The following PSPC1 variants were observed in gnomAD, a reference collection of about 807,000 sequenced individuals.
The protein encoded by PSPC1 is paraspeckle protein 1.
A neutral mutation model predicts 51.6 loss-of-function variants in PSPC1; 14 were observed. The observed-to-expected ratio is 0.27, with a 90% CI of 0.18 to 0.42. The LOEUF (loss-of-function observed/expected upper bound fraction) is 0.42. PSPC1 is among the 10% of genes least tolerant of loss of function. The pLI is 1.00. For missense variants in PSPC1, 406 were observed against 701.1 expected (o/e 0.58, Z 4.75); for synonymous variants, 193 against 231.9 (o/e 0.83, Z 1.53).
chr13:19,672,828 G>A (rs1274550328), downstream of PSPC1: 3 of 301,140 alleles, frequency 1.0e-5, no homozygotes, highest in East Asian at 2.3e-4. Context: ...AGCAGAGCGT[G>A]GTGGCTCACA....
At chr13:19,743,021 C>T (rs1885591745) in intron 4 of PSPC1, among the ~76,000 whole-genome samples, 1 of 152,094 alleles carries the variant, frequency 6.6e-6, no homozygotes, top group Non-Finnish European at 1.5e-5. Context: ...CCACTATCAC[C>T]AATCCCTGCC....
At chr13:19,724,076 A>G (rs1464722168) in intron 6 of PSPC1, among the ~76,000 whole-genome samples, 1 of 152,218 alleles carries the variant, frequency 6.6e-6, no homozygotes, top group Non-Finnish European at 1.5e-5. Flanking sequence ...AATCCCTTGT[A>G]AAATGTGTCT....
chr13:19,774,135 A>G (rs1009491585), intron 1 of PSPC1, among the ~76,000 whole-genome samples: 3 of 152,238 alleles, frequency 2.0e-5, no homozygotes, highest in African/African-American at 7.2e-5. Context: ...CTACAAGGTA[A>G]GAGAACTTCC....
intron 5 of PSPC1, among the ~76,000 whole-genome samples, chr13:19,740,002 G>C (rs1885270392): frequency 6.6e-6 from 1 of 152,002 alleles, no homozygotes; most frequent in African/African-American, 2.4e-5. Flanking sequence ...ATTCCTAACA[G>C]TTCCCTAGGT....
intron 6 of PSPC1, among the ~76,000 whole-genome samples, chr13:19,729,560 A>C (rs1883789880): frequency 1.3e-5 from 2 of 151,916 alleles, no homozygotes; most frequent in Admixed American, 1.3e-4. Flanking sequence ...AGGTTACTAA[A>C]ATATTAAAGA....
chr13:19,688,987 T>C (rs1469204883), intron 6 of PSPC1, among the ~76,000 whole-genome samples: 1 of 150,064 alleles, frequency 6.7e-6, no homozygotes, highest in Non-Finnish European at 1.5e-5. Context: ...AGGAAACTCA[T>C]TGTAGTATTC....
chr13:19,671,382 GTGT>G, downstream of PSPC1: 1 of 1,151,260 alleles, frequency 8.7e-7, no homozygotes, highest in South Asian at 1.3e-5. Context: ...AAGAATCCTG[GTGT>G]ACCTGTCCTA....
At chr13:19,744,930 G>A (rs1885809351) in intron 4 of PSPC1, among the ~76,000 whole-genome samples, 1 of 152,118 alleles carries the variant, frequency 6.6e-6, no homozygotes, top group Admixed American at 6.6e-5. Context: ...ATAAAATAAA[G>A]CCATCTACAG....
intron 2 of PSPC1, among the ~76,000 whole-genome samples, chr13:19,760,944 C>T (rs534330825): frequency 1.4e-4 from 22 of 151,822 alleles, no homozygotes; most frequent in Admixed American, 3.9e-4. Flanking sequence ...GCCAAGATCA[C>T]GCCACTGCAC....
intron 5 of PSPC1, among the ~76,000 whole-genome samples, chr13:19,731,976 T>C (rs982367096): frequency 2.0e-5 from 3 of 152,200 alleles, no homozygotes; most frequent in African/African-American, 7.2e-5. Flanking sequence ...ATTACTCTTA[T>C]AACGTACTTT....
rs564989694 is a variant in PSPC1 at position 19,764,841 on chromosome 13, C to T, written c.675-5423G>A. Among the ~76,000 whole-genome samples, 130 of 152,158 alleles carry T rather than the reference C, an allele frequency of 8.5e-4. 1 individual carries two copies. The highest frequency in any genetic ancestry group is 3.1e-3 in the African/African-American group (127 of 41,538). ...CTCGACCTACAAGGCTCAAGTGATC[C>T]TCCCACCTCAGCCTCCCACGTACCT... On this transcript the variant is annotated intron_variant, in intron 2 of 8. Coordinates refer to ENST00000338910, the MANE Select transcript of PSPC1 (RefSeq NM_001354909.2).
At chr13:19,714,495 C>CTTTTTTTT (rs59072226) in intron 6 of PSPC1, among the ~76,000 whole-genome samples, 1 of 135,062 alleles carries the variant, frequency 7.4e-6, no homozygotes. Flanking sequence ...CAGCGGATTT[C>CTTTTTTTT]TTTTTTTTTT....
At chr13:19,772,187 A>C in intron 2 of PSPC1, 55 bp downstream of exon 2, 1 of 1,540,170 alleles carries the variant, frequency 6.5e-7, no homozygotes, top group Non-Finnish European at 8.8e-7. Context: ...ATTCCAAAAC[A>C]GAGAGAAGCC....
chr13:19,685,649 A>T (rs992747281), intron 6 of PSPC1, among the ~76,000 whole-genome samples: 3 of 152,220 alleles, frequency 2.0e-5, no homozygotes, highest in African/African-American at 7.2e-5. Flanking sequence ...GTGCAGCAGC[A>T]AGAGTAGAGC....
At chr13:19,750,748 A>G (rs1162093468) in intron 4 of PSPC1, among the ~76,000 whole-genome samples, 3 of 151,040 alleles carry the variant, frequency 2.0e-5, no homozygotes, top group Non-Finnish European at 4.4e-5. Context: ...CTCCAACACT[A>G]CTGCTTGCAT....
chr13:19,766,312 G>T (rs769123613), intron 2 of PSPC1, among the ~76,000 whole-genome samples: 1 of 152,174 alleles, frequency 6.6e-6, no homozygotes. Context: ...GGCAGAGGTT[G>T]CAGTGAGCCA....
At position 19,776,345 on chromosome 13, in the gene PSPC1, G is replaced by A. The variant is rs74466842; in HGVS notation, c.373-3802C>T. ...GCTGGGTGTGGTGGTGTGTGCCTGC[G>A]GTCCCAGCAACCTGAGGGGCTGAGG... is the stretch of plus-strand genomic sequence containing the variant. On this transcript the variant is annotated intron_variant, in intron 1 of 8. Transcript: ENST00000338910. Among the ~76,000 whole-genome samples the A allele has an allele frequency of 6.2e-4, 94 of 151,912 alleles. 1 individual carries two copies. In the East Asian group the frequency reaches 0.015, roughly 24 times the overall value.
At chr13:19,780,710 G>A (rs569630349) in intron 1 of PSPC1, among the ~76,000 whole-genome samples, 1 of 145,156 alleles carries the variant, frequency 6.9e-6, no homozygotes, top group African/African-American at 2.5e-5. Flanking sequence ...GAAAACCAGA[G>A]ACCTTTGTTC....
rs550552842 is a variant in PSPC1 at position 19,754,541 on chromosome 13, G to T, written c.771-3074C>A. On this transcript the variant is annotated intron_variant, in intron 3 of 8. Coordinates refer to ENST00000338910, the MANE Select transcript of PSPC1 (RefSeq NM_001354909.2). ...TCTCCACTCCACCTCCCGGATTCAA[G>T]CGATTCTCCTGCCTCAGCCTCCCGA... is the stretch of plus-strand genomic sequence containing the variant. Among the ~76,000 whole-genome samples the T allele has an allele frequency of 2.0e-5, 3 of 148,968 alleles. No homozygotes were observed. The South Asian group carries it at 6.4e-4, about 32-fold the overall frequency.
Sources: gnomAD v4.1 joint callset for allele counts (sites outside exome capture counted in the v4.1 genomes callset) on GRCh38, gnomAD v4.1.1 for gene constraint, MANE v1.5 for transcripts, NCBI Gene and HGNC (gene_info 2026-07-23, HGNC 2026-07-21) for gene names.